CLNK: variants seen among roughly 807,000 people sequenced by gnomAD.
CLNK encodes cytokine dependent hematopoietic cell linker.
In CLNK, 74 loss-of-function variants were observed where a neutral mutation model predicts 68.6. That is an observed-to-expected ratio of 1.08 (90% CI 0.89 to 1.31). CLNK has a LOEUF of 1.31. CLNK is among the 50% of genes most tolerant of loss of function. The probability of loss-of-function intolerance (pLI) is 0.00; values close to 1 mark genes in which losing one functional copy is unlikely to be tolerated. For synonymous variants in CLNK, 198 were observed against 172.2 expected (o/e 1.15, Z -1.17); for missense variants, 553 against 515.3 (o/e 1.07, Z -0.71).
intron 1 of CLNK, among the ~76,000 whole-genome samples, chr4:10,679,783 C>T (rs531852082): frequency 6.6e-6 from 1 of 152,240 alleles, no homozygotes; most frequent in South Asian, 2.1e-4. Context: ...TCATCACTGG[C>T]CATCAGAGAA....
intron 2 of CLNK, among the ~76,000 whole-genome samples, chr4:10,615,410 G>A (rs1722190168): frequency 6.6e-6 from 1 of 152,162 alleles, no homozygotes; most frequent in African/African-American, 2.4e-5. Flanking sequence ...CTTGAAGGAG[G>A]GAGGAGGGAG....
At chr4:10,707,070 C>T in the CLNK span, among the ~76,000 whole-genome samples, 1,181 of 152,218 alleles carry the variant, frequency 7.8e-3, 19 homozygotes, top group African/African-American at 0.027. Flanking sequence ...GGTGAGCCAT[C>T]GCGCCTGGCC....
chr4:10,609,743 A>G (rs1560240356), intron 2 of CLNK, among the ~76,000 whole-genome samples: 1 of 152,206 alleles, frequency 6.6e-6, no homozygotes, highest in African/African-American at 2.4e-5. Flanking sequence ...GTGGCATTTG[A>G]TTTTAGCTCC....
intron 14 of CLNK, among the ~76,000 whole-genome samples, chr4:10,522,149 TA>T (rs1718098405): frequency 6.7e-6 from 1 of 150,114 alleles, no homozygotes; most frequent in African/African-American, 2.5e-5. Flanking sequence ...TCCCAGCCAC[TA>T]GGGAGGCTGA....
At chr4:10,587,423 C>T (rs1488365298) in intron 3 of CLNK, among the ~76,000 whole-genome samples, 2 of 152,218 alleles carry the variant, frequency 1.3e-5, no homozygotes, top group Non-Finnish European at 2.9e-5. Context: ...CTTGTTTGTG[C>T]CTTTAATAAT....
At chr4:10,678,889 C>T (rs1379604924) in intron 1 of CLNK, among the ~76,000 whole-genome samples, 5 of 152,184 alleles carry the variant, frequency 3.3e-5, no homozygotes, top group Admixed American at 1.3e-4. Context: ...GAAGAACATT[C>T]CATGCTCATG....
intron 4 of CLNK, among the ~76,000 whole-genome samples, chr4:10,579,936 A>G (rs1577143597): frequency 6.6e-6 from 1 of 152,056 alleles, no homozygotes; most frequent in African/African-American, 2.4e-5. Context: ...ATCAGGCACC[A>G]CCTCCTCCAG....
At chr4:10,627,612 G>A (rs1335365712) in intron 2 of CLNK, among the ~76,000 whole-genome samples, 2 of 152,116 alleles carry the variant, frequency 1.3e-5, no homozygotes, top group African/African-American at 4.8e-5. Context: ...CACAGAGAGG[G>A]ACAGAGAGAG....
intron 16 of CLNK, 108 bp downstream of exon 16, chr4:10,513,356 A>G: frequency 1.9e-6 from 2 of 1,054,454 alleles, no homozygotes; most frequent in Non-Finnish European, 2.7e-6. Context: ...CCAGAAGGGA[A>G]AAAGTTAAAG....
chr4:10,733,982 G>T, the CLNK span, among the ~76,000 whole-genome samples: 1 of 152,186 alleles, frequency 6.6e-6, no homozygotes, highest in East Asian at 1.9e-4. Flanking sequence ...GCCCATTAGA[G>T]ATACATATCT....
intron 2 of CLNK, among the ~76,000 whole-genome samples, chr4:10,663,739 G>A (rs1161206790): frequency 1.3e-5 from 2 of 152,146 alleles, no homozygotes; most frequent in African/African-American, 2.4e-5. Flanking sequence ...TGATTTAAAT[G>A]TTTGTGAACC....
chr4:10,722,219 G>A, the CLNK span, among the ~76,000 whole-genome samples: 1 of 151,912 alleles, frequency 6.6e-6, no homozygotes, highest in Non-Finnish European at 1.5e-5. Context: ...AGGAAAGGAG[G>A]GAGAGCAACT....
chr4:10,683,427 C>T (rs1725161717), intron 1 of CLNK, among the ~76,000 whole-genome samples: 2 of 152,132 alleles, frequency 1.3e-5, no homozygotes, highest in South Asian at 2.1e-4. Flanking sequence ...CAGAGACCAC[C>T]CAGGAGTGAG....
In CLNK at chr4:10,495,637, T is replaced by C. The variant is rs113662001; in HGVS notation, c.1141-5024A>G. Among the ~76,000 whole-genome samples the C allele has an allele frequency of 5.0e-3, 767 of 152,298 alleles. 3 individuals carry two copies. Among genetic ancestry groups the C allele is most frequent in the Non-Finnish European group, 8.0e-3 (541 of 68,022 alleles). Reference sequence around the variant, plus strand: ...CATTGTAGAAGAGCTAATACTATTTTACATGGTATAATACAGGATAAAGTT... The same window carrying C: ...CATTGTAGAAGAGCTAATACTATTTCACATGGTATAATACAGGATAAAGTT... On this transcript the variant is annotated intron_variant, in intron 18 of 18. Coordinates refer to ENST00000226951, the MANE Select transcript of CLNK (RefSeq NM_052964.4).
At chr4:10,699,302 A>ACATACGTGTATACACACACC in the CLNK span, among the ~76,000 whole-genome samples, 1 of 106,492 alleles carries the variant, frequency 9.4e-6, no homozygotes, top group African/African-American at 3.5e-5. Context: ...ACACACACAC[A>ACATACGTGTATACACACACC]CCACATACGT....
chr4:10,661,045 T>C (rs1265224609), intron 2 of CLNK, among the ~76,000 whole-genome samples: 1 of 152,216 alleles, frequency 6.6e-6, no homozygotes, highest in Non-Finnish European at 1.5e-5. Context: ...TGTAGGACTC[T>C]GATCTCAGGG....
At chr4:10,703,865 C>A in the CLNK span, among the ~76,000 whole-genome samples, 1 of 152,034 alleles carries the variant, frequency 6.6e-6, no homozygotes, top group African/African-American at 2.4e-5. Flanking sequence ...GTATTATAAC[C>A]TTATGGGACC....
At chr4:10,592,573 C>T (rs1210219778) in intron 3 of CLNK, among the ~76,000 whole-genome samples, 2 of 151,798 alleles carry the variant, frequency 1.3e-5, no homozygotes, top group East Asian at 1.9e-4. Flanking sequence ...AGGAGGCTCT[C>T]GGTATACTAC....
At chr4:10,594,990 G>A (rs934130986) in intron 3 of CLNK, among the ~76,000 whole-genome samples, 2 of 152,096 alleles carry the variant, frequency 1.3e-5, no homozygotes, top group African/African-American at 2.4e-5. Context: ...GCTACTGGCT[G>A]GGGGGCTGAG....
Sources: gnomAD v4.1 joint callset for allele counts (sites outside exome capture counted in the v4.1 genomes callset) on GRCh38, gnomAD v4.1.1 for gene constraint, MANE v1.5 for transcripts, NCBI Gene and HGNC (gene_info 2026-07-23, HGNC 2026-07-21) for gene names.